The following XKR9 variants were observed in gnomAD, a reference collection of about 807,000 sequenced individuals.
XKR9 encodes XK related 9.
XKR9 carries 32 observed loss-of-function variants against 32.0 expected under a neutral mutation model. That is an observed-to-expected ratio of 1.00 (90% confidence interval 0.76 to 1.34). XKR9 has a LOEUF of 1.34. Ranked by LOEUF, XKR9 falls within the 40% of genes most tolerant of loss-of-function variation. XKR9 has a pLI of 0.00. For missense variants in XKR9, 546 were observed against 429.7 expected (o/e 1.27, Z -2.39); for synonymous variants, 168 against 143.4 (o/e 1.17, Z -1.22).
intron 4 of XKR9, among the ~76,000 whole-genome samples, chr8:70,724,520 G>A (rs1343804932): frequency 2.0e-5 from 3 of 152,054 alleles, no homozygotes; most frequent in Non-Finnish European, 4.4e-5. Flanking sequence ...CCCTGGTGGT[G>A]TAGGCACATG....
chr8:70,848,718 C>T, the XKR9 span, among the ~76,000 whole-genome samples: 150 of 145,336 alleles, frequency 1.0e-3, 2 homozygotes, highest in African/African-American at 3.6e-3. Flanking sequence ...CACATGTAGG[C>T]TCAAAATAAA....
chr8:70,690,601 G>A (rs1563424955), intron 3 of XKR9, among the ~76,000 whole-genome samples: 2 of 151,076 alleles, frequency 1.3e-5, no homozygotes, highest in African/African-American at 2.4e-5. Flanking sequence ...AGCCCACCTC[G>A]GCCTCCCAAA....
At chr8:70,960,156 A>G in the XKR9 span, among the ~76,000 whole-genome samples, 1 of 151,886 alleles carries the variant, frequency 6.6e-6, no homozygotes, top group Non-Finnish European at 1.5e-5. Context: ...GAGGCAGGCG[A>G]ATCACTTGAA....
intron 4 of XKR9, among the ~76,000 whole-genome samples, chr8:70,717,396 A>T (rs965361190): frequency 8.5e-5 from 13 of 152,122 alleles, no homozygotes; most frequent in African/African-American, 3.1e-4. Context: ...GCATTTCCAT[A>T]CATCCTCTAA....
chr8:70,885,789 G>A, the XKR9 span, among the ~76,000 whole-genome samples: 1 of 152,064 alleles, frequency 6.6e-6, no homozygotes, highest in Non-Finnish European at 1.5e-5. Context: ...GTAGAGATGG[G>A]GTTTCACTGT....
intron 4 of XKR9, among the ~76,000 whole-genome samples, chr8:70,721,732 G>A (rs115826141): frequency 0.01 from 1,587 of 152,062 alleles, 24 homozygotes; most frequent in African/African-American, 0.036. Context: ...TTATGTTGTC[G>A]ATTTTAGAAT....
the XKR9 span, among the ~76,000 whole-genome samples, chr8:70,810,616 C>CA: frequency 6.6e-6 from 1 of 151,532 alleles, no homozygotes; most frequent in Admixed American, 6.6e-5. Context: ...AAATGGAAAA[C>CA]AAAAAAAGGC....
At chr8:71,034,150 A>G in the XKR9 span, among the ~76,000 whole-genome samples, 1 of 152,266 alleles carries the variant, frequency 6.6e-6, no homozygotes, top group South Asian at 2.1e-4. Flanking sequence ...CCCAAATCTT[A>G]TCTTGAATTA....
chr8:70,724,453 C>A (rs964962138), intron 4 of XKR9, among the ~76,000 whole-genome samples: 1 of 150,584 alleles, frequency 6.6e-6, no homozygotes, highest in East Asian at 2.0e-4. Flanking sequence ...AAAACTCCTG[C>A]AGCTAGCTTG....
chr8:70,917,670 A>G, the XKR9 span, among the ~76,000 whole-genome samples: 4 of 152,194 alleles, frequency 2.6e-5, no homozygotes, highest in Admixed American at 2.6e-4. Flanking sequence ...CTTTCTCCAA[A>G]TGTTGGCATC....
At chr8:71,004,646 A>G in the XKR9 span, among the ~76,000 whole-genome samples, 1 of 152,186 alleles carries the variant, frequency 6.6e-6, no homozygotes, top group Non-Finnish European at 1.5e-5. Flanking sequence ...TAAACGTGCC[A>G]TGGAAGACAT....
chr8:71,019,864 T>C, the XKR9 span, among the ~76,000 whole-genome samples: 13 of 152,212 alleles, frequency 8.5e-5, no homozygotes, highest in African/African-American at 3.1e-4. Flanking sequence ...GCCGTATATA[T>C]AGTAATAGTT....
chr8:70,774,575 T>A (rs557681166), intron 2 of XKR9, among the ~76,000 whole-genome samples: 35 of 152,296 alleles, frequency 2.3e-4, no homozygotes, highest in African/African-American at 7.9e-4. Context: ...GGGTGTTCTT[T>A]TTGTGTGTGT....
At chr8:70,890,849 T>C in the XKR9 span, among the ~76,000 whole-genome samples, 2 of 152,010 alleles carry the variant, frequency 1.3e-5, no homozygotes, top group Non-Finnish European at 2.9e-5. Context: ...TTCAATTTTC[T>C]GGAAGAGTTT....
At chr8:70,829,871 C>T in the XKR9 span, among the ~76,000 whole-genome samples, 8 of 152,142 alleles carry the variant, frequency 5.3e-5, no homozygotes, top group African/African-American at 1.4e-4. Flanking sequence ...AATGCTCAAA[C>T]GTGATACCAC....
the XKR9 span, among the ~76,000 whole-genome samples, chr8:70,934,422 C>T: frequency 6.6e-6 from 1 of 151,970 alleles, no homozygotes; most frequent in Non-Finnish European, 1.5e-5. Flanking sequence ...GAAAACCCTG[C>T]TATGTGACAA....
chr8:70,717,301 C>T (rs893476055), intron 4 of XKR9, among the ~76,000 whole-genome samples: 8 of 152,168 alleles, frequency 5.3e-5, no homozygotes, highest in Non-Finnish European at 8.8e-5. Flanking sequence ...TGAGCTCCAA[C>T]CCCACATTTC....
chr8:70,727,838 C>T (rs768912548), intron 4 of XKR9, among the ~76,000 whole-genome samples: 6 of 151,738 alleles, frequency 4.0e-5, no homozygotes, highest in Non-Finnish European at 5.9e-5. Flanking sequence ...GTGGGGGCTA[C>T]GAGATCAGAT....
At chr8:70,863,928 C>A in the XKR9 span, among the ~76,000 whole-genome samples, 2 of 152,092 alleles carry the variant, frequency 1.3e-5, no homozygotes, top group East Asian at 1.9e-4. Flanking sequence ...CATAATGATG[C>A]CTTTTTATGC....
Sources: allele counts gnomAD v4.1 joint callset (sites outside exome capture counted in the v4.1 genomes callset), GRCh38; gene constraint gnomAD v4.1.1; transcripts MANE v1.5; gene names NCBI Gene and HGNC (gene_info 2026-07-23, HGNC 2026-07-21).